FLT1: variants seen among roughly 807,000 people sequenced by gnomAD.
FLT1 encodes vascular endothelial growth factor receptor 1.
FLT1 carries 49 observed loss-of-function variants against 156.3 expected under a neutral mutation model. That is an observed-to-expected ratio of 0.31 (90% CI 0.25 to 0.40). FLT1 has a LOEUF of 0.40. Ranked by LOEUF, FLT1 falls within the 10% of genes least tolerant of loss-of-function variation. The pLI is 1.00. For synonymous variants in FLT1, 594 were observed against 583.8 expected, an observed-to-expected ratio of 1.02 and a Z score of -0.25; for missense variants, 1,322 against 1,637.2, an observed-to-expected ratio of 0.81 and a Z score of 3.32.
chr13:28,319,299 A>T (rs550430000), intron 24 of FLT1, 124 bp downstream of exon 24: 19 of 707,368 alleles, frequency 2.7e-5, no homozygotes, highest in South Asian at 2.4e-4. Context: ...TGGGCCCATT[A>T]CACTTTAAGA....
chr13:28,419,138 A>C (rs1326196219), intron 10 of FLT1, among the ~76,000 whole-genome samples: 1 of 152,208 alleles, frequency 6.6e-6, no homozygotes. Flanking sequence ...ATGAAGAAAC[A>C]AGGGCTAGTG....
At chr13:28,349,052 G>A (rs1872655500) in intron 15 of FLT1, among the ~76,000 whole-genome samples, 1 of 152,220 alleles carries the variant, frequency 6.6e-6, no homozygotes, top group African/African-American at 2.4e-5. Context: ...CATGGTTGGA[G>A]CTCACAGTCT....
intron 25 of FLT1, among the ~76,000 whole-genome samples, chr13:28,316,245 A>AC (rs1486267317): frequency 2.6e-5 from 4 of 151,540 alleles, no homozygotes; most frequent in African/African-American, 9.7e-5. Context: ...ACCTACCCTT[A>AC]CCCCGAGATG....
intron 1 of FLT1, among the ~76,000 whole-genome samples, chr13:28,484,236 T>C (rs112872138): frequency 4.3e-4 from 65 of 152,224 alleles, no homozygotes; most frequent in African/African-American, 1.3e-3. Context: ...GGTATTTTAG[T>C]TTCATTCTGG....
chr13:28,341,747 T>G (rs949033947), intron 16 of FLT1, among the ~76,000 whole-genome samples: 1 of 152,214 alleles, frequency 6.6e-6, no homozygotes, highest in Non-Finnish European at 1.5e-5. Context: ...CTTTCAAATT[T>G]TACAGGCATT....
chr13:28,398,569 T>G (rs1275989305), intron 11 of FLT1, among the ~76,000 whole-genome samples: 1 of 152,226 alleles, frequency 6.6e-6, no homozygotes, highest in Non-Finnish European at 1.5e-5. Context: ...TGGTCCAAAT[T>G]CTCTACAATT....
intron 3 of FLT1, among the ~76,000 whole-genome samples, chr13:28,456,887 G>A (rs945569151): frequency 1.3e-5 from 2 of 152,104 alleles, no homozygotes; most frequent in Non-Finnish European, 2.9e-5. Flanking sequence ...GTAGATTTTA[G>A]GGCAGTGAAA....
intron 14 of FLT1, among the ~76,000 whole-genome samples, chr13:28,372,063 TA>T (rs1873606876): frequency 6.7e-5 from 2 of 29,924 alleles, no homozygotes; most frequent in African/African-American, 1.9e-4. Flanking sequence ...TATATATATA[TA>T]TATATATATA....
intron 15 of FLT1, among the ~76,000 whole-genome samples, chr13:28,349,470 G>GCACACACA (rs142131155): frequency 6.9e-6 from 1 of 145,204 alleles, no homozygotes; most frequent in Non-Finnish European, 1.5e-5. Context: ...ATGCGCACAC[G>GCACACACA]CACACACACA....
At chr13:28,372,068 ATATATATATTTTTTT>A (rs1410134575) in intron 14 of FLT1, among the ~76,000 whole-genome samples, 120 of 20,196 alleles carry the variant, frequency 5.9e-3, no homozygotes, top group Non-Finnish European at 1.0e-2. Flanking sequence ...ATATATATAT[ATATATATATTTTTTT>A]TTTTTTTTTT....
chr13:28,479,271 C>T (rs140494795), intron 1 of FLT1, among the ~76,000 whole-genome samples: 309 of 152,298 alleles, frequency 2.0e-3, no homozygotes, highest in Non-Finnish European at 3.6e-3. Flanking sequence ...ACTCATTAAA[C>T]ACATTCTTGA....
At chr13:28,387,253 T>C (rs982105241) in intron 13 of FLT1, 1 of 1,040,348 alleles carries the variant, frequency 9.6e-7, no homozygotes, top group Non-Finnish European at 1.2e-6. Flanking sequence ...TTTTTCTTTG[T>C]ACCCATTTCT....
In FLT1 at chr13:28,345,488, A is replaced by C. The variant is rs532216455; in HGVS notation, c.2312T>G (p.Leu771Arg). 1 of 1,613,416 alleles carries C rather than the reference A, an allele frequency of 6.2e-7. No homozygotes were observed. Among genetic ancestry groups the C allele is most frequent in the South Asian group, 1.1e-5 (1 of 90,946 alleles). ...AAAGAGGGTTAATAGGAGCCAGAAG[A>C]GAGTCGCAGCCACACAGGTGCATGT... ...TLTCTCVAAT[L>R]FWLLLTLFIR... Residue 771 changes from leucine to arginine, a missense_variant, in exon 16 of 30, where the codon CTC (leucine) becomes CGC (arginine). Coordinates refer to ENST00000282397, the MANE Select transcript of FLT1 (RefSeq NM_002019.4).
chr13:28,465,490 A>G (rs1459755874), intron 3 of FLT1, among the ~76,000 whole-genome samples: 3 of 152,120 alleles, frequency 2.0e-5, no homozygotes, highest in Non-Finnish European at 2.9e-5. Context: ...CTGAATTTGG[A>G]TATGTACATG....
chr13:28,422,680 G>A (rs562983877), intron 10 of FLT1, among the ~76,000 whole-genome samples: 18 of 152,304 alleles, frequency 1.2e-4, no homozygotes, highest in African/African-American at 3.8e-4. Flanking sequence ...CCACCATCCC[G>A]TTTGTGGGGA....
intron 3 of FLT1, among the ~76,000 whole-genome samples, chr13:28,458,960 G>A (rs1171757555): frequency 5.9e-5 from 9 of 152,162 alleles, no homozygotes; most frequent in Non-Finnish European, 4.4e-5. Context: ...TCATCAGTGT[G>A]TATTTTAAAC....
chr13:28,343,623 CTCT>C (rs1298514140), intron 16 of FLT1, among the ~76,000 whole-genome samples: 5 of 151,158 alleles, frequency 3.3e-5, no homozygotes, highest in Non-Finnish European at 5.9e-5. Context: ...ACCAAAATTT[CTCT>C]TCTTTTCTTT....
intron 6 of FLT1, among the ~76,000 whole-genome samples, chr13:28,431,595 G>A (rs1877687728): frequency 1.3e-5 from 2 of 152,120 alleles, no homozygotes; most frequent in Non-Finnish European, 1.5e-5. Context: ...AGATTGGCAG[G>A]CTGACTGCCC....
intron 16 of FLT1, among the ~76,000 whole-genome samples, chr13:28,343,751 T>C (rs1158963661): frequency 6.6e-6 from 1 of 151,658 alleles, no homozygotes; most frequent in Non-Finnish European, 1.5e-5. Flanking sequence ...CATGCCATTC[T>C]CCTGCCTCAG....
Sources: gnomAD v4.1 joint callset for allele counts (sites outside exome capture counted in the v4.1 genomes callset) on GRCh38, gnomAD v4.1.1 for gene constraint, MANE v1.5 for transcripts, NCBI Gene and HGNC (gene_info 2026-07-23, HGNC 2026-07-21) for gene names.